Variants in CDH2 observed in about 807,000 individuals in gnomAD.
CDH2 encodes the protein cadherin-2.
Under a neutral mutation model 92.0 loss-of-function variants are expected in CDH2, and 17 were observed. The ratio of observed to expected loss-of-function variants is 0.18; its 90% CI spans 0.13 to 0.28. The LOEUF (loss-of-function observed/expected upper bound fraction) is 0.28, where lower values mean the gene tolerates loss of function less well. CDH2 is among the 10% of genes least tolerant of loss of function. The probability of loss-of-function intolerance (pLI) is 1.00; values close to 1 mark genes in which losing one functional copy is unlikely to be tolerated. For missense variants in CDH2, 862 were observed against 1,133.1 expected (o/e 0.76, Z 3.44); for synonymous variants, 419 against 415.9 (o/e 1.01, Z -0.09).
intron 2 of CDH2, among the ~76,000 whole-genome samples, chr18:28,037,988 G>A (rs1188902895): frequency 6.6e-6 from 1 of 152,136 alleles, no homozygotes; most frequent in African/African-American, 2.4e-5. Context: ...GGTAATTGAA[G>A]GGAAGTAAGG....
chr18:28,043,249 G>T (rs745806775), intron 2 of CDH2, among the ~76,000 whole-genome samples: 9 of 151,828 alleles, frequency 5.9e-5, no homozygotes, highest in Admixed American at 1.3e-4. Context: ...GCTAAGCTAT[G>T]AGGATACAAA....
chr18:27,937,040 A>C (rs1201514513), intron 6 of CDH2, among the ~76,000 whole-genome samples: 1 of 152,232 alleles, frequency 6.6e-6, no homozygotes, highest in Non-Finnish European at 1.5e-5. Flanking sequence ...CATATTCAAA[A>C]TATGAGTAAA....
chr18:28,166,149 C>CATATAT (rs35562216), intron 1 of CDH2, among the ~76,000 whole-genome samples: 2,186 of 59,248 alleles, frequency 0.037, 96 homozygotes, highest in Middle Eastern at 0.083. Flanking sequence ...CAGACACACT[C>CATATAT]ATATATATAT....
At chr18:28,134,033 C>T (rs2015819769) in intron 2 of CDH2, among the ~76,000 whole-genome samples, 1 of 150,968 alleles carries the variant, frequency 6.6e-6, no homozygotes, top group African/African-American at 2.4e-5. Context: ...TGGTGAGTCA[C>T]GCCTATAGTC....
chr18:27,993,310 A>G (rs549382168), intron 8 of CDH2, among the ~76,000 whole-genome samples, 190 bp downstream of exon 8: 1 of 152,356 alleles, frequency 6.6e-6, no homozygotes, highest in South Asian at 2.1e-4. Context: ...GTGGACTTGA[A>G]GACTACGAAG....
chr18:28,000,630 G>A (rs2012736561), intron 7 of CDH2, among the ~76,000 whole-genome samples: 1 of 152,130 alleles, frequency 6.6e-6, no homozygotes, highest in South Asian at 2.1e-4. Flanking sequence ...GAAAGGCCAG[G>A]AATACTACCA....
At chr18:27,942,888 A>C (rs1215047989) in intron 6 of CDH2, among the ~76,000 whole-genome samples, 1 of 152,128 alleles carries the variant, frequency 6.6e-6, no homozygotes, top group Non-Finnish European at 1.5e-5. Flanking sequence ...GATGAGTAAG[A>C]ACGCTAGGAA....
intron 2 of CDH2, among the ~76,000 whole-genome samples, chr18:28,126,028 C>T (rs1314779890): frequency 1.3e-5 from 2 of 151,942 alleles, no homozygotes; most frequent in Non-Finnish European, 2.9e-5. Context: ...CTTTGAACTG[C>T]TGGACAAGGG....
intron 2 of CDH2, among the ~76,000 whole-genome samples, chr18:28,041,978 C>T (rs2013956342): frequency 6.6e-6 from 1 of 151,828 alleles, no homozygotes; most frequent in African/African-American, 2.4e-5. Context: ...TTTACTATGC[C>T]CACTGTAGAC....
At chr18:28,020,379 G>T (rs963485192) in intron 2 of CDH2, among the ~76,000 whole-genome samples, 11 of 151,844 alleles carry the variant, frequency 7.2e-5, no homozygotes, top group Non-Finnish European at 1.5e-4. Context: ...ATAGTACATA[G>T]AAACGATGTG....
intron 1 of CDH2, among the ~76,000 whole-genome samples, chr18:28,148,880 A>C (rs1444532179): frequency 6.6e-6 from 1 of 152,214 alleles, no homozygotes. Flanking sequence ...AAAAATCTAG[A>C]CCAATCTAAT....
intron 1 of CDH2, among the ~76,000 whole-genome samples, chr18:28,175,006 GCCTT>G (rs1172883468): frequency 1.7e-4 from 26 of 152,046 alleles, no homozygotes; most frequent in Admixed American, 1.6e-3. Context: ...AGTTTGTCTT[GCCTT>G]CCATTTAACT....
chr18:28,149,996 T>C (rs2016096422), intron 1 of CDH2, among the ~76,000 whole-genome samples: 1 of 152,214 alleles, frequency 6.6e-6, no homozygotes, highest in South Asian at 2.1e-4. Flanking sequence ...CGTGTAAACA[T>C]CCAGGTACTG....
rs768211420 is a variant in CDH2 at position 27,963,540 on chromosome 18, A to G, written c.2350-19T>C. On this transcript the variant is annotated intron_variant, in intron 14 of 15. Coordinates refer to ENST00000269141, the MANE Select transcript of CDH2 (RefSeq NM_001792.5). ...CATAGTCCTGCAAAAAGACAAAATC[A>G]AAAACCGATGGGAGATGGGCACAAA... The G allele has an allele frequency of 6.2e-7, 1 of 1,611,734 alleles. No homozygotes were observed. The highest frequency in any genetic ancestry group is 2.2e-5 in the East Asian group (1 of 44,834).
chr18:27,974,021 A>C (rs1487344892), intron 14 of CDH2, among the ~76,000 whole-genome samples: 3 of 152,202 alleles, frequency 2.0e-5, no homozygotes, highest in African/African-American at 7.2e-5. Context: ...AACTAGACTT[A>C]GGTCACTGAA....
At chr18:28,166,356 CACT>C (rs1242101452) in intron 1 of CDH2, among the ~76,000 whole-genome samples, 1 of 151,514 alleles carries the variant, frequency 6.6e-6, no homozygotes, top group African/African-American at 2.4e-5. Flanking sequence ...TTGAGTACAC[CACT>C]ATCTCCCTTT....
chr18:28,026,915 G>C (rs1488718521), intron 2 of CDH2, among the ~76,000 whole-genome samples: 1 of 152,060 alleles, frequency 6.6e-6, no homozygotes, highest in Non-Finnish European at 1.5e-5. Context: ...TAAGCATGAC[G>C]ACATGTTCAA....
intron 2 of CDH2, among the ~76,000 whole-genome samples, chr18:28,028,386 T>G (rs2013612720): frequency 6.6e-6 from 1 of 152,236 alleles, no homozygotes; most frequent in South Asian, 2.1e-4. Context: ...CTAGCCCCAC[T>G]GGTATGATGT....
intron 2 of CDH2, among the ~76,000 whole-genome samples, chr18:28,055,932 G>GT (rs1044717572): frequency 5.3e-5 from 8 of 152,048 alleles, no homozygotes; most frequent in Non-Finnish European, 1.0e-4. Flanking sequence ...TACTTCCTAG[G>GT]TTTTTAGTAG....
Sources: allele counts gnomAD v4.1 joint callset (sites outside exome capture counted in the v4.1 genomes callset), GRCh38; gene constraint gnomAD v4.1.1; transcripts MANE v1.5; gene names NCBI Gene and HGNC (gene_info 2026-07-23, HGNC 2026-07-21).